The following INPP4B variants were observed in gnomAD, a reference collection of about 807,000 sequenced individuals.
INPP4B encodes the protein inositol polyphosphate 4-phosphatase type II.
INPP4B carries 55 observed loss-of-function variants against 122.5 expected under a neutral mutation model. The ratio of observed to expected loss-of-function variants is 0.45; its 90% CI spans 0.36 to 0.56. The LOEUF (loss-of-function observed/expected upper bound fraction) is 0.56, where lower values mean the gene tolerates loss of function less well. Among genes scored for constraint, INPP4B ranks in the 20% least tolerant of loss-of-function variants. The pLI is 0.00. For missense variants in INPP4B, 1,000 were observed against 1,097.7 expected (o/e 0.91, Z 1.26); for synonymous variants, 403 against 388.7 (o/e 1.04, Z -0.43).
chr4:142,362,392 A>G (rs1357158255), intron 7 of INPP4B, among the ~76,000 whole-genome samples: 1 of 152,058 alleles, frequency 6.6e-6, no homozygotes, highest in African/African-American at 2.4e-5. Context: ...CTGTGAAGAG[A>G]AAAGAGAAAG....
At chr4:142,122,814 T>C (rs903443121) in intron 20 of INPP4B, among the ~76,000 whole-genome samples, 12 of 152,080 alleles carry the variant, frequency 7.9e-5, no homozygotes, top group Non-Finnish European at 1.8e-4. Context: ...ATATCCAAAA[T>C]ACCATTTCAA....
intron 25 of INPP4B, among the ~76,000 whole-genome samples, chr4:142,039,319 G>A (rs1745868680): frequency 6.6e-6 from 1 of 152,020 alleles, no homozygotes; most frequent in South Asian, 2.1e-4. Context: ...CTTCAATATT[G>A]AAAATAAAAA....
intron 6 of INPP4B, among the ~76,000 whole-genome samples, chr4:142,403,940 T>C (rs1256696422): frequency 6.6e-6 from 1 of 152,154 alleles, no homozygotes; most frequent in Non-Finnish European, 1.5e-5. Context: ...ATAGTTAAGA[T>C]GGTAAATTTT....
chr4:142,576,744 G>A (rs1343882140), intron 2 of INPP4B, among the ~76,000 whole-genome samples: 2 of 151,854 alleles, frequency 1.3e-5, no homozygotes, highest in Admixed American at 6.6e-5. Flanking sequence ...CACCCACTAC[G>A]ATACAAATAT....
At chr4:142,513,155 T>C (rs1363000407) in intron 2 of INPP4B, among the ~76,000 whole-genome samples, 1 of 152,206 alleles carries the variant, frequency 6.6e-6, no homozygotes, top group East Asian at 1.9e-4. Flanking sequence ...CTGCCTTCTA[T>C]GTACTGGACA....
chr4:142,163,546 TGAGA>T (rs895906884), intron 16 of INPP4B, among the ~76,000 whole-genome samples: 4 of 151,934 alleles, frequency 2.6e-5, no homozygotes, highest in African/African-American at 9.7e-5. Context: ...GAAGATATTT[TGAGA>T]GAGACCACAT....
intron 1 of INPP4B, among the ~76,000 whole-genome samples, chr4:142,814,521 C>A (rs1779890311): frequency 6.6e-6 from 1 of 152,086 alleles, no homozygotes; most frequent in Non-Finnish European, 1.5e-5. Flanking sequence ...TGTAATCTCT[C>A]TGTTTTTCTC....
chr4:142,610,799 C>A (rs948897119), intron 2 of INPP4B, among the ~76,000 whole-genome samples: 8 of 152,218 alleles, frequency 5.3e-5, no homozygotes, highest in South Asian at 2.1e-4. Context: ...TACACACACA[C>A]CCACACATTA....
chr4:142,730,794 T>C (rs1179479325), intron 1 of INPP4B, among the ~76,000 whole-genome samples: 1 of 152,178 alleles, frequency 6.6e-6, no homozygotes, highest in African/African-American at 2.4e-5. Flanking sequence ...AACTCAATGA[T>C]CAGCATATAT....
chr4:142,245,532 T>C (rs112982088), intron 11 of INPP4B, among the ~76,000 whole-genome samples: 51 of 152,248 alleles, frequency 3.3e-4, no homozygotes, highest in African/African-American at 1.1e-3. Context: ...GTCAGGGATA[T>C]TGGCCTGAAA....
At chr4:142,724,516 G>A (rs1163641131) in intron 2 of INPP4B, among the ~76,000 whole-genome samples, 1 of 152,140 alleles carries the variant, frequency 6.6e-6, no homozygotes, top group East Asian at 1.9e-4. Context: ...TCCACATATT[G>A]TCTAGGAATT....
intron 3 of INPP4B, among the ~76,000 whole-genome samples, chr4:142,440,620 C>G (rs963921960): frequency 6.6e-6 from 1 of 152,030 alleles, no homozygotes; most frequent in Non-Finnish European, 1.5e-5. Flanking sequence ...AAATACAAGC[C>G]CTATTAACCC....
chr4:142,244,910 T>C (rs748275160), intron 11 of INPP4B, among the ~76,000 whole-genome samples: 1 of 152,214 alleles, frequency 6.6e-6, no homozygotes, highest in African/African-American at 2.4e-5. Context: ...TTTTTAATGA[T>C]TGCCATTCTA....
chr4:142,244,198 A>G (rs13101684), intron 11 of INPP4B, among the ~76,000 whole-genome samples: 123,013 of 151,342 alleles, frequency 0.81, 50,280 homozygotes, highest in East Asian at 0.93. Context: ...TGCTGAGAAT[A>G]ATGGTTTCCA....
intron 23 of INPP4B, among the ~76,000 whole-genome samples, chr4:142,096,728 G>C (rs1239820762): frequency 6.6e-6 from 1 of 152,060 alleles, no homozygotes; most frequent in East Asian, 1.9e-4. Context: ...AAATAAATTT[G>C]TAATTACAAG....
At chr4:142,497,787 A>G (rs1285170842) in intron 2 of INPP4B, among the ~76,000 whole-genome samples, 1 of 152,192 alleles carries the variant, frequency 6.6e-6, no homozygotes, top group East Asian at 1.9e-4. Context: ...GAAAGCCTGT[A>G]GCATTCTTGG....
At chr4:142,737,845 A>G (rs1362510065) in intron 1 of INPP4B, among the ~76,000 whole-genome samples, 5 of 152,188 alleles carry the variant, frequency 3.3e-5, no homozygotes, top group East Asian at 1.9e-4. Context: ...GCAGCCAAAA[A>G]ACACATGAAA....
At chr4:142,606,634 TCCTTAAGAATGTTTG>T (rs1202353587) in intron 2 of INPP4B, among the ~76,000 whole-genome samples, 1 of 152,030 alleles carries the variant, frequency 6.6e-6, no homozygotes, top group African/African-American at 2.4e-5. Flanking sequence ...ATATTTTGGA[TCCTTAAGAATGTTTG>T]CCTAAAGGAA....
At chr4:142,768,781 T>C (rs1206823670) in intron 1 of INPP4B, among the ~76,000 whole-genome samples, 1 of 152,172 alleles carries the variant, frequency 6.6e-6, no homozygotes, top group Non-Finnish European at 1.5e-5. Context: ...ATTCCATGGC[T>C]GACTGTCAGA....
Sources: allele counts gnomAD v4.1 joint callset (sites outside exome capture counted in the v4.1 genomes callset), GRCh38; gene constraint gnomAD v4.1.1; transcripts MANE v1.5; gene names NCBI Gene and HGNC (gene_info 2026-07-23, HGNC 2026-07-21).